The following ZNF215 variants were observed in gnomAD, a reference collection of about 807,000 sequenced individuals.
ZNF215 encodes the protein BWSCR2-associated zinc finger protein 2.
In ZNF215, 24 loss-of-function variants were observed where a neutral mutation model predicts 27.2. The ratio of observed to expected loss-of-function variants is 0.88; its 90% confidence interval spans 0.64 to 1.24. The LOEUF (loss-of-function observed/expected upper bound fraction) is 1.24. Ranked by LOEUF, ZNF215 falls within the 50% of genes most tolerant of loss-of-function variation. The pLI is 0.00. For synonymous variants in ZNF215, 210 were observed against 204.0 expected (o/e 1.03, Z -0.25); for missense variants, 675 against 605.7 (o/e 1.11, Z -1.20).
rs1414167374 is a variant in ZNF215 at position 6,957,660 on chromosome 11, G to A, written c.*1129G>A. The A allele has an allele frequency of 1.4e-6, 1 of 740,030 alleles. No homozygotes were observed. The highest frequency in any genetic ancestry group is 1.6e-6 in the Non-Finnish European group (1 of 606,606). 45.8% of individuals were successfully genotyped at this position (740,030 alleles called of 1,614,324 possible). ...CTCTTGTTTGTATCCATTAGTCTAT[G>A]GTAAAATTGGTTTTGTTATACATCA... is the stretch of plus-strand genomic sequence containing the variant. On this transcript the variant is annotated 3_prime_UTR_variant, in exon 7 of 7. Coordinates refer to ENST00000278319, the MANE Select transcript of ZNF215 (RefSeq NM_013250.4).
rs141396455 is a variant in ZNF215, at chr11:6,932,781, T to C, written c.400+109T>C. The C allele has an allele frequency of 7.1e-4, 706 of 996,268 alleles. 4 individuals are homozygous for C. The highest frequency in any genetic ancestry group is 6.9e-3 in the African/African-American group (421 of 61,226). 61.7% of individuals were successfully genotyped at this position (996,268 alleles called of 1,614,324 possible). A position where few individuals can be genotyped will look rare whatever the true frequency, so the allele number is the denominator to read the frequency against. ...TCAAGTGCCAGATCTTGAAGGACTT[T>C]ATATTACTCTATTAGGAAGCCTTGA... On this transcript the variant is annotated intron_variant, in intron 3 of 6. Coordinates refer to ENST00000278319, the MANE Select transcript of ZNF215 (RefSeq NM_013250.4).
chr11:6,931,071 G>A (rs544025968), intron 2 of ZNF215, among the ~76,000 whole-genome samples: 1 of 152,146 alleles, frequency 6.6e-6, no homozygotes, highest in Non-Finnish European at 1.5e-5. Context: ...TCTAAACATT[G>A]CCAGATTTCC....
chr11:6,962,070 C>T (rs543359695), downstream of ZNF215, among the ~76,000 whole-genome samples: 3 of 152,068 alleles, frequency 2.0e-5, no homozygotes, highest in South Asian at 4.2e-4. Context: ...TTTAATATTA[C>T]GGGACTATTT....
At chr11:6,970,022 C>A (rs1850690643) in intron 5 of ZNF215, among the ~76,000 whole-genome samples, 1 of 152,074 alleles carries the variant, frequency 6.6e-6, no homozygotes, top group South Asian at 2.1e-4. Context: ...CCTTAAGTGA[C>A]CCGCCTGCCT....
At chr11:6,972,773 A>T (rs1432434546) in intron 5 of ZNF215, among the ~76,000 whole-genome samples, 37 of 152,224 alleles carry the variant, frequency 2.4e-4, no homozygotes, top group Non-Finnish European at 2.9e-5. Context: ...CTATAAAATG[A>T]TTATCAAGAC....
At chr11:6,930,139 G>A (rs778247467) in intron 2 of ZNF215, among the ~76,000 whole-genome samples, 2 of 146,852 alleles carry the variant, frequency 1.4e-5, no homozygotes, top group Admixed American at 6.8e-5. Flanking sequence ...TTTACTTTCT[G>A]GCAGTACAAG....
chr11:6,982,328 A>G (rs955160144), intron 5 of ZNF215, among the ~76,000 whole-genome samples: 73 of 152,066 alleles, frequency 4.8e-4, no homozygotes, highest in Non-Finnish European at 9.1e-4. Context: ...ACACCCCACT[A>G]TCAACATTAG....
At chr11:6,947,574 T>C (rs1326034804) in intron 6 of ZNF215, among the ~76,000 whole-genome samples, 3 of 151,738 alleles carry the variant, frequency 2.0e-5, no homozygotes, top group African/African-American at 7.3e-5. Flanking sequence ...TAAAAAACAG[T>C]GAGGAAGTTA....
At chr11:6,949,482 C>T (rs561373477) in intron 6 of ZNF215, among the ~76,000 whole-genome samples, 1 of 152,134 alleles carries the variant, frequency 6.6e-6, no homozygotes, top group South Asian at 2.1e-4. Context: ...TTTTGAGTTG[C>T]ATTTCTCTGA....
intron 6 of ZNF215, among the ~76,000 whole-genome samples, chr11:6,946,399 A>G (rs968820215): frequency 3.3e-5 from 5 of 152,156 alleles, no homozygotes; most frequent in Non-Finnish European, 7.3e-5. Context: ...TACTCAAGCC[A>G]CACCTATCTA....
At chr11:6,951,690 G>C (rs1171315370) in intron 6 of ZNF215, among the ~76,000 whole-genome samples, 1 of 151,952 alleles carries the variant, frequency 6.6e-6, no homozygotes, top group African/African-American at 2.4e-5. Context: ...ACCAGCTCCT[G>C]GATTCATTAA....
chr11:6,959,265 A>G (rs925541242), downstream of ZNF215, among the ~76,000 whole-genome samples: 5 of 152,188 alleles, frequency 3.3e-5, no homozygotes, highest in Admixed American at 1.3e-4. Context: ...AAGTTCAGGA[A>G]ACATAAGTTC....
intron 3 of ZNF215, among the ~76,000 whole-genome samples, chr11:6,935,398 T>C (rs1193442654): frequency 1.3e-5 from 2 of 152,224 alleles, no homozygotes; most frequent in Non-Finnish European, 2.9e-5. Context: ...GTTTTTGATA[T>C]TGTTTTTATG....
chr11:6,992,575 G>C (rs1004777155), downstream of ZNF215, among the ~76,000 whole-genome samples: 1 of 152,194 alleles, frequency 6.6e-6, no homozygotes, highest in Non-Finnish European at 1.5e-5. Flanking sequence ...AGATTTCGAG[G>C]ACAGGACTGA....
chr11:6,985,752 T>C (rs1259441176), downstream of ZNF215, among the ~76,000 whole-genome samples: 1 of 152,096 alleles, frequency 6.6e-6, no homozygotes, highest in Admixed American at 6.6e-5. Context: ...ACATTTAAGC[T>C]GAGAGCCAAA....
chr11:6,927,768 C>T lies in ZNF215; in HGVS notation c.-219C>T, dbSNP rs1023345694. On this transcript the variant is annotated 5_prime_UTR_variant, in exon 2 of 7. Coordinates refer to ENST00000278319, the MANE Select transcript of ZNF215 (RefSeq NM_013250.4). ...TCTTACCTAAATGCAGCATGCCATC[C>T]TGAACGTCTCTCCCTGTCCTAGCTC... 1 of 152,234 alleles carries T rather than the reference C, an allele frequency of 6.6e-6. No individual in the cohort carries two copies. Among genetic ancestry groups the T allele is most frequent in the African/African-American group, 2.4e-5 (1 of 41,456 alleles). The allele number at this position is 152,234 out of a possible 1,614,324, so 9.4% of individuals were successfully genotyped here.
intron 3 of ZNF215, 24 bp downstream of exon 3, chr11:6,932,696 G>A (rs1436926336): frequency 1.9e-6 from 3 of 1,571,262 alleles, no homozygotes; most frequent in African/African-American, 2.7e-5. Context: ...GAAATTAGAG[G>A]TAAAATACTT....
chr11:6,948,446 G>A (rs1481040260), intron 6 of ZNF215, among the ~76,000 whole-genome samples: 5 of 149,944 alleles, frequency 3.3e-5, no homozygotes, highest in African/African-American at 5.0e-5. Context: ...ATTTGATATG[G>A]GAGACGAAGG....
chr11:6,982,305 A>G lies in ZNF215; in HGVS notation c.806-1824A>G, dbSNP rs563232891. 4.6e-3 allele frequency among the ~76,000 whole-genome samples: 699 copies of G among 152,206 alleles called. 5 individuals carry two copies. Among genetic ancestry groups the G allele is most frequent in the African/African-American group, 0.014 (584 of 41,526 alleles). ...AGACTTAGACTCCCACACAATAATAATGGGAGACTTTAACACCCCACTATC... is the reference window on the plus strand; with the variant it reads ...AGACTTAGACTCCCACACAATAATAGTGGGAGACTTTAACACCCCACTATC... On this transcript the variant is annotated intron_variant, in intron 5 of 5. Transcript: ENST00000529903.
Sources: gnomAD v4.1 joint callset for allele counts (sites outside exome capture counted in the v4.1 genomes callset) on GRCh38, gnomAD v4.1.1 for gene constraint, MANE v1.5 for transcripts, NCBI Gene and HGNC (gene_info 2026-07-23, HGNC 2026-07-21) for gene names.